The following ATP13A5 variants were observed in gnomAD, a reference collection of about 807,000 sequenced individuals.
The protein encoded by ATP13A5 is ATPase 13A5, also known as probable cation-transporting ATPase 13A5.
Under a neutral mutation model 150.2 loss-of-function variants are expected in ATP13A5, and 149 were observed. The ratio of observed to expected loss-of-function variants is 0.99; its 90% CI spans 0.87 to 1.14. The LOEUF is 1.14. Ranked by LOEUF, ATP13A5 falls within the 50% of genes most tolerant of loss-of-function variation. ATP13A5 has a pLI of 0.00. For missense variants in ATP13A5, 1,383 were observed against 1,449.3 expected (o/e 0.95, Z 0.74); for synonymous variants, 497 against 522.2 (o/e 0.95, Z 0.66).
rs1171478456 is a variant in ATP13A5 at position 193,362,744 on chromosome 3, G to GCTTTCCTT, written c.385-115_385-108dup. 2.0e-5 allele frequency: 14 copies of GCTTTCCTT among 715,704 alleles called. No homozygotes were observed. The African/African-American group carries it at 3.0e-4, about 15-fold the overall frequency. The allele number at this position is 715,704 out of a possible 1,614,324, so 44.3% of individuals were successfully genotyped here. On this transcript the variant is annotated intron_variant, in intron 3 of 29. Transcript: ENST00000342358. Reference sequence around the variant, plus strand: ...GCAGATCCCCTTGTGGGTCTCACTTGCTTTCCTTCTTTCTTTCTTTCTTTC... The same window carrying GCTTTCCTT: ...GCAGATCCCCTTGTGGGTCTCACTTGCTTTCCTTCTTTCCTTCTTTCTTTCTTTCTTTC...
intron 1 of ATP13A5, among the ~76,000 whole-genome samples, chr3:193,365,563 T>A (rs1337362012): frequency 6.6e-6 from 1 of 152,168 alleles, no homozygotes; most frequent in Non-Finnish European, 1.5e-5. Context: ...TATAGTTTTA[T>A]TAGGACCAAG....
chr3:193,319,106 GC>G lies in ATP13A5; in HGVS notation c.1917del (p.Lys641ArgfsTer7). ...MVARFCRSET[V>X]PKNFPQELRS... ...CTCAGTTCCTGTGGGAAATTCTTGG[GC>G]ACTGCCAGGGTAGAAGAAACAGGTA... On this transcript the variant is annotated frameshift_variant and splice_region_variant, in exon 17 of 30. Transcript: ENST00000342358. LOFTEE classifies it high-confidence loss of function. 6.2e-7 allele frequency: 1 copy of G among 1,612,466 alleles called. No homozygotes were observed. Among genetic ancestry groups the G allele is most frequent in the South Asian group, 1.1e-5 (1 of 90,976 alleles).
chr3:193,315,259 C>T (rs541904410), intron 17 of ATP13A5, among the ~76,000 whole-genome samples, 163 bp from the exon 18 acceptor site: 5 of 111,870 alleles, frequency 4.5e-5, no homozygotes, highest in African/African-American at 1.4e-4. Context: ...AGTAGTCTGT[C>T]TCCACACCAC....
rs777931765 is a variant in ATP13A5, at chr3:193,326,989, G to A, written c.1523+7C>T. ...ACACACCTTCCATTTTCACATAAGA[G>A]GCCTACCAGTTGTCAGCAGTAGGGA... On this transcript the variant is annotated splice_region_variant and intron_variant, in intron 13 of 29. Transcript: ENST00000342358. 1 of 1,613,228 alleles carries A rather than the reference G, an allele frequency of 6.2e-7. No individual in the cohort carries two copies. Among genetic ancestry groups the A allele is most frequent in the African/African-American group, 1.3e-5 (1 of 75,010 alleles).
chr3:193,319,885 T>G (rs532504589), intron 16 of ATP13A5, among the ~76,000 whole-genome samples: 1 of 152,244 alleles, frequency 6.6e-6, no homozygotes, highest in Admixed American at 6.6e-5. Flanking sequence ...CTATGGCTGC[T>G]TTAAGGCTTC....
At chr3:193,377,783 A>AC (rs1713693610) in intron 1 of ATP13A5, among the ~76,000 whole-genome samples, 1 of 152,048 alleles carries the variant, frequency 6.6e-6, no homozygotes, top group Non-Finnish European at 1.5e-5. Context: ...CCTCACTCTG[A>AC]CCCTTCCCCT....
At position 193,281,132 on chromosome 3, in the gene ATP13A5, T is replaced by C. The variant is rs147969215; in HGVS notation, c.3227-1678A>G. On this transcript the variant is annotated intron_variant, in intron 27 of 29. Transcript: ENST00000342358. ...TTGCATCTCTCAGGATAAAGCAATC[T>C]AAATGGCTTGGTGATACGATTTCAG... is the stretch of plus-strand genomic sequence containing the variant. 5.2e-6 allele frequency: 5 copies of C among 970,462 alleles called. No homozygotes were observed. The African/African-American group carries it at 8.8e-5, about 17-fold the overall frequency. 60.1% of individuals were successfully genotyped at this position (970,462 alleles called of 1,614,324 possible). A position where few individuals can be genotyped will look rare whatever the true frequency, so the allele number is the denominator to read the frequency against.
intron 5 of ATP13A5, among the ~76,000 whole-genome samples, chr3:193,359,726 A>G (rs4687410): frequency 0.39 from 59,456 of 152,008 alleles, 12,151 homozygotes; most frequent in East Asian, 0.56. Context: ...CTGTCTATCA[A>G]AGCTTTTTTT....
chr3:193,290,947 CT>C (rs1269362672), intron 25 of ATP13A5, among the ~76,000 whole-genome samples: 2 of 152,142 alleles, frequency 1.3e-5, no homozygotes, highest in African/African-American at 4.8e-5. Flanking sequence ...CCTGTCACCT[CT>C]TCCCTTCTCA....
intron 9 of ATP13A5, among the ~76,000 whole-genome samples, chr3:193,341,596 T>A (rs1488009835): frequency 6.6e-6 from 1 of 151,556 alleles, no homozygotes; most frequent in Non-Finnish European, 1.5e-5. Context: ...CAGAGTGGAG[T>A]GGGAGCAGCA....
chr3:193,319,161 A>G, intron 16 of ATP13A5, 53 bp from the exon 17 acceptor site: 1 of 1,325,624 alleles, frequency 7.5e-7, no homozygotes, highest in South Asian at 1.2e-5. Context: ...AGGCTGGTCT[A>G]AGCAAGACTC....
At chr3:193,297,690 G>A (rs543569472) in intron 25 of ATP13A5, among the ~76,000 whole-genome samples, 2 of 152,084 alleles carry the variant, frequency 1.3e-5, no homozygotes, top group East Asian at 3.9e-4. Flanking sequence ...CTCCCATAGA[G>A]CCCATTCTGA....
At chr3:193,364,560 G>T (rs1713170683) in intron 1 of ATP13A5, among the ~76,000 whole-genome samples, 1 of 152,026 alleles carries the variant, frequency 6.6e-6, no homozygotes, top group Admixed American at 6.6e-5. Flanking sequence ...AGTCACCTCA[G>T]ATTTTTATAA....
At chr3:193,348,526 A>G (rs2108888699) in intron 7 of ATP13A5, among the ~76,000 whole-genome samples, 1 of 152,276 alleles carries the variant, frequency 6.6e-6, no homozygotes, top group East Asian at 1.9e-4. Flanking sequence ...GTTTGCACTC[A>G]TGCCTGCACC....
At chr3:193,315,875 T>TGTGC in intron 17 of ATP13A5, among the ~76,000 whole-genome samples, 1 of 151,892 alleles carries the variant, frequency 6.6e-6, no homozygotes, top group African/African-American at 2.4e-5. Context: ...TTTATGTGTG[T>TGTGC]GTGTGTGTTA....
chr3:193,299,237 C>T (rs1718300662), intron 24 of ATP13A5, 34 bp from the exon 25 acceptor site: 1 of 1,505,036 alleles, frequency 6.6e-7, no homozygotes, highest in African/African-American at 1.4e-5. Context: ...ATAAATGTGG[C>T]ATCTGCCATC....
intron 26 of ATP13A5, 59 bp downstream of exon 26, chr3:193,289,826 A>G (rs1488278984): frequency 1.4e-6 from 2 of 1,479,996 alleles, no homozygotes; most frequent in African/African-American, 2.9e-5. Context: ...AAGTTATGCA[A>G]TGTCATTGGA....
At chr3:193,366,320 T>C (rs1397121137) in intron 1 of ATP13A5, among the ~76,000 whole-genome samples, 2 of 151,942 alleles carry the variant, frequency 1.3e-5, no homozygotes, top group East Asian at 3.8e-4. Flanking sequence ...TTAGACTAGA[T>C]AATAAAAGAC....
intron 24 of ATP13A5, among the ~76,000 whole-genome samples, chr3:193,299,998 C>T (rs990155984): frequency 1.3e-5 from 2 of 152,104 alleles, no homozygotes; most frequent in Admixed American, 6.5e-5. Context: ...TTCTGCGACA[C>T]TCTTATTTAG....
Sources: allele counts gnomAD v4.1 joint callset (sites outside exome capture counted in the v4.1 genomes callset), GRCh38; gene constraint gnomAD v4.1.1; transcripts MANE v1.5; gene names NCBI Gene and HGNC (gene_info 2026-07-23, HGNC 2026-07-21).